SLC17A3: variants seen among roughly 807,000 people sequenced by gnomAD.
SLC17A3 encodes the protein solute carrier family 17 member 3.
Under a neutral mutation model 60.3 loss-of-function variants are expected in SLC17A3, and 61 were observed. The observed-to-expected ratio is 1.01, with a 90% CI of 0.82 to 1.25. The LOEUF (loss-of-function observed/expected upper bound fraction) is 1.25. Among genes scored for constraint, SLC17A3 ranks in the 50% most tolerant of loss-of-function variants. SLC17A3 has a pLI of 0.00. For missense variants in SLC17A3, 624 were observed against 594.9 expected, an observed-to-expected ratio of 1.05 and a Z score of -0.51; for synonymous variants, 192 against 208.9, an observed-to-expected ratio of 0.92 and a Z score of 0.70.
chr6:25,853,095 G>A (rs1765305272), intron 6 of SLC17A3, among the ~76,000 whole-genome samples: 1 of 152,126 alleles, frequency 6.6e-6, no homozygotes, highest in African/African-American at 2.4e-5. Flanking sequence ...TCCATCCAGT[G>A]ACCCATGAAT....
At chr6:25,870,719 A>G (rs1327336128) in intron 1 of SLC17A3, among the ~76,000 whole-genome samples, 1 of 152,022 alleles carries the variant, frequency 6.6e-6, no homozygotes, top group Non-Finnish European at 1.5e-5. Flanking sequence ...AGAGGCCCCT[A>G]CAACATGGAC....
Position 25,850,440 on chromosome 6 carries a change from G to A in SLC17A3, c.993+19C>T, listed in dbSNP as rs1379311038. ...CAGCCATGCAAGCAGGAGAAAGGAAGGGAAGGAAACATACTCACGTCTCTG... is the reference window on the plus strand; with the variant it reads ...CAGCCATGCAAGCAGGAGAAAGGAAAGGAAGGAAACATACTCACGTCTCTG... On this transcript the variant is annotated intron_variant, in intron 8 of 12. Transcript: ENST00000397060. The A allele has an allele frequency of 6.2e-6, 10 of 1,612,140 alleles. No individual in the cohort carries two copies. The highest frequency in any genetic ancestry group is 8.5e-6 in the Non-Finnish European group (10 of 1,178,406).
At chr6:25,864,049 A>G (rs1239293088) in intron 2 of SLC17A3, among the ~76,000 whole-genome samples, 1 of 152,088 alleles carries the variant, frequency 6.6e-6, no homozygotes, top group Non-Finnish European at 1.5e-5. Context: ...GGAAGTCCCA[A>G]TGACATACCA....
In SLC17A3 at chr6:25,868,329, A is replaced by G. The variant is rs1214976792; in HGVS notation, c.59T>C (p.Met20Thr). The G allele has an allele frequency of 1.2e-5, 19 of 1,611,922 alleles. No homozygotes were observed. The highest frequency in any genetic ancestry group is 2.2e-5 in the South Asian group (2 of 91,034). The part of the protein sequence containing the change: ...TARESKNAQD[M>T]QVDETLIPRK... ...GGGGATCAGTGTCTCATCCACTTGC[A>G]TATCTTGTGCGTTCTTGCTCTCCCT... is the stretch of plus-strand genomic sequence containing the variant. Residue 20 changes from methionine to threonine, a missense_variant, in exon 2 of 13, where the codon ATG becomes ACG. Transcript: ENST00000397060.
chr6:25,859,837 C>T (rs1765418016), intron 5 of SLC17A3, among the ~76,000 whole-genome samples: 1 of 152,116 alleles, frequency 6.6e-6, no homozygotes, highest in South Asian at 2.1e-4. Context: ...TGTACTCTAT[C>T]TCACATGGGA....
intron 2 of SLC17A3, among the ~76,000 whole-genome samples, chr6:25,863,357 G>A (rs1331140971): frequency 6.6e-6 from 1 of 151,996 alleles, no homozygotes; most frequent in Admixed American, 6.6e-5. Context: ...AGGTATCCTG[G>A]CAGAACACAG....
At chr6:25,864,618 G>A (rs1024752671) in intron 2 of SLC17A3, among the ~76,000 whole-genome samples, 35 of 141,702 alleles carry the variant, frequency 2.5e-4, no homozygotes, top group African/African-American at 9.4e-4. Context: ...GCTTTCCTAG[G>A]AAGAAAGTTC....
intron 5 of SLC17A3, among the ~76,000 whole-genome samples, chr6:25,860,263 T>G (rs1452741264): frequency 6.6e-6 from 1 of 151,862 alleles, no homozygotes; most frequent in Non-Finnish European, 1.5e-5. Flanking sequence ...CAAAGTTTCC[T>G]ATCTACAATA....
rs1214571446 is a variant in SLC17A3, at chr6:25,872,803, A to C, written c.-34+1364T>G. Among the ~76,000 whole-genome samples the C allele has an allele frequency of 3.9e-5, 6 of 152,008 alleles. No individual in the cohort carries two copies. In the East Asian group the frequency reaches 5.8e-4, roughly 15 times the overall value. The stretch of plus-strand genomic sequence containing the variant: ...CATCTCCAGTCTCCACAGACAGGTC[A>C]ACGTCCCCTGATTCCATACCGATCT... On this transcript the variant is annotated intron_variant, in intron 1 of 12. Coordinates refer to ENST00000397060, the MANE Select transcript of SLC17A3 (RefSeq NM_001098486.2).
Position 25,850,498 on chromosome 6 carries a change from T to C in SLC17A3, c.954A>G (p.Pro318=). The C allele has an allele frequency of 1.9e-6, 3 of 1,613,928 alleles. No homozygotes were observed. Among genetic ancestry groups the C allele is most frequent in the Non-Finnish European group, 2.5e-6 (3 of 1,179,836 alleles). Residue 318 remains proline (P), a synonymous_variant, in exon 8 of 13, where the codon CCA becomes CCG. Coordinates refer to ENST00000397060, the MANE Select transcript of SLC17A3 (RefSeq NM_001098486.2). ...WLVSTMVVYI[P]TYISSVYHVN... Reference sequence around the variant, plus strand: ...CATGGTACACAGAGCTGATGTAAGTTGGTATGTATACAACCATTGTGCTAA... The same window carrying C: ...CATGGTACACAGAGCTGATGTAAGTCGGTATGTATACAACCATTGTGCTAA...
chr6:25,846,900 C>T (rs1258759058), intron 11 of SLC17A3, among the ~76,000 whole-genome samples: 3 of 152,086 alleles, frequency 2.0e-5, no homozygotes, highest in Non-Finnish European at 4.4e-5. Context: ...GTGAGCCCAC[C>T]GCACCTGGCC....
rs771444524 is a variant in SLC17A3 at position 25,861,955 on chromosome 6, T to A, written c.378A>T (p.Thr126=). The change falls in exon 4 of 13, where the codon ACA becomes ACT. Residue 126 remains threonine, a synonymous_variant. Transcript: ENST00000397060. ...CAGCCAGGTATCCACTGGGAGCCAT[T>A]GTCAGTATGCCACCATAGCCAACAG... ...FGAVGYGGIL[T]MAPSGYLAGR... 6.2e-7 allele frequency: 1 copy of A among 1,612,662 alleles called. No homozygotes were observed.
chr6:25,848,227 T>C (rs1427227669), intron 11 of SLC17A3, among the ~76,000 whole-genome samples: 1 of 152,230 alleles, frequency 6.6e-6, no homozygotes, highest in Non-Finnish European at 1.5e-5. Context: ...AATTATCTTT[T>C]TCGTATAATG....
rs533695945 is a variant in SLC17A3 at position 25,845,238 on chromosome 6, C to T, written c.*63G>A. 1.3e-4 allele frequency: 120 copies of T among 902,356 alleles called. No homozygotes were observed. The highest frequency in any genetic ancestry group is 3.4e-4 in the Middle Eastern group (1 of 2,908). The allele number at this position is 902,356 out of a possible 1,614,324, so 55.9% of individuals were successfully genotyped here. ...AATCTTTTCACTGGTATTTTCATCA[C>T]GGAAGCCTTCTATTTTATGCAATAC... On this transcript the variant is annotated 3_prime_UTR_variant, in exon 13 of 13. Transcript: ENST00000397060.
At chr6:25,872,128 A>C (rs1347028272) in intron 1 of SLC17A3, among the ~76,000 whole-genome samples, 5 of 150,158 alleles carry the variant, frequency 3.3e-5, no homozygotes, top group Non-Finnish European at 7.5e-5. Context: ...TATTTTTAAA[A>C]GGTATTATTT....
chr6:25,863,021 A>G (rs1765477536), intron 2 of SLC17A3, among the ~76,000 whole-genome samples: 1 of 151,964 alleles, frequency 6.6e-6, no homozygotes, highest in Non-Finnish European at 1.5e-5. Flanking sequence ...GTCCATTGGT[A>G]TAGGTCATTT....
intron 2 of SLC17A3, among the ~76,000 whole-genome samples, chr6:25,867,867 G>A (rs1765563833): frequency 6.6e-6 from 1 of 151,774 alleles, no homozygotes; most frequent in Non-Finnish European, 1.5e-5. Flanking sequence ...TTCAAAATAT[G>A]CATACAAAAT....
Position 25,845,222 on chromosome 6 carries a change from A to T in SLC17A3, c.*79T>A. ...GCCACAGGAAAAAAAAAATCTTTTC[A>T]CTGGTATTTTCATCACGGAAGCCTT... is the stretch of plus-strand genomic sequence containing the variant. On this transcript the variant is annotated 3_prime_UTR_variant, in exon 13 of 13. Transcript: ENST00000397060. The T allele has an allele frequency of 2.7e-6, 2 of 743,940 alleles. No individual in the cohort carries two copies. Among genetic ancestry groups the T allele is most frequent in the Non-Finnish European group, 4.4e-6 (2 of 459,698 alleles). 46.1% of individuals were successfully genotyped at this position (743,940 alleles called of 1,614,324 possible).
rs2151517111 is a variant in SLC17A3 at position 25,845,181 on chromosome 6, C to T, written c.*120G>A. ...AGTCTGAATAAAATAATGAACTGAT[C>T]TCATAATTGAAAAGAGCCACAGGAA... is the stretch of plus-strand genomic sequence containing the variant. On this transcript the variant is annotated 3_prime_UTR_variant, in exon 13 of 13. Transcript: ENST00000397060. 3 of 551,380 alleles carry T rather than the reference C, an allele frequency of 5.4e-6. No individual in the cohort carries two copies. Among genetic ancestry groups the T allele is most frequent in the South Asian group, 2.2e-5 (1 of 45,832 alleles). The allele number at this position is 551,380 out of a possible 1,614,324, so 34.2% of individuals were successfully genotyped here. A position where few individuals can be genotyped will look rare whatever the true frequency, so the allele number is the denominator to read the frequency against.
Sources: allele counts gnomAD v4.1 joint callset (sites outside exome capture counted in the v4.1 genomes callset), GRCh38; gene constraint gnomAD v4.1.1; transcripts MANE v1.5; gene names NCBI Gene and HGNC (gene_info 2026-07-23, HGNC 2026-07-21).